The following ANK3 variants were observed in gnomAD, a reference collection of about 807,000 sequenced individuals.
ANK3 encodes the protein ankyrin 3.
ANK3 carries 57 observed loss-of-function variants against 370.9 expected under a neutral mutation model. The observed-to-expected ratio is 0.15, with a 90% CI of 0.12 to 0.19. ANK3 has a LOEUF of 0.19. ANK3 is among the 10% of genes least tolerant of loss of function. ANK3 has a pLI of 1.00. For synonymous variants in ANK3, 1,929 were observed against 1,946.3 expected, an observed-to-expected ratio of 0.99 and a Z score of 0.23; for missense variants, 4,439 against 5,302.1, an observed-to-expected ratio of 0.84 and a Z score of 5.06.
chr10:60,674,787 ATCT>A (rs1179575716), intron 1 of ANK3, among the ~76,000 whole-genome samples: 1 of 152,208 alleles, frequency 6.6e-6, no homozygotes, highest in Non-Finnish European at 1.5e-5. Context: ...AACAATTATA[ATCT>A]TTAATAAATG....
At chr10:60,495,871 A>C (rs1344402032) in intron 2 of ANK3, among the ~76,000 whole-genome samples, 1 of 152,152 alleles carries the variant, frequency 6.6e-6, no homozygotes, top group African/African-American at 2.4e-5. Flanking sequence ...GTCTTCAATA[A>C]TTAACTTGTC....
chr10:60,188,545 T>G (rs1344928705), intron 16 of ANK3, among the ~76,000 whole-genome samples: 1 of 152,108 alleles, frequency 6.6e-6, no homozygotes, highest in Admixed American at 6.5e-5. Context: ...TGTGGAAGGA[T>G]CACAAACAAC....
intron 16 of ANK3, among the ~76,000 whole-genome samples, chr10:60,189,993 A>G (rs1190778649): frequency 6.6e-6 from 1 of 152,236 alleles, no homozygotes; most frequent in Non-Finnish European, 1.5e-5. Flanking sequence ...TACAATTAGT[A>G]TCCAGGTTAT....
At chr10:60,444,821 A>T (rs2133020398) in intron 2 of ANK3, among the ~76,000 whole-genome samples, 1 of 152,280 alleles carries the variant, frequency 6.6e-6, no homozygotes, top group South Asian at 2.1e-4. Context: ...GAAGTGTCTG[A>T]AGGGCCTTCT....
At chr10:60,698,324 C>T (rs1302586461) in intron 1 of ANK3, among the ~76,000 whole-genome samples, 1 of 151,106 alleles carries the variant, frequency 6.6e-6, no homozygotes, top group East Asian at 2.0e-4. Flanking sequence ...CTAGTTCAAC[C>T]ATTGTGGAAG....
At chr10:60,507,350 C>A (rs10430492) in intron 2 of ANK3, among the ~76,000 whole-genome samples, 32,440 of 151,714 alleles carry the variant, frequency 0.21, 3,862 homozygotes, top group East Asian at 0.47. Flanking sequence ...AGAAAAAAAT[C>A]AAAATGAAAT....
At chr10:60,492,418 CACCGTGGGGCTGGGCACAGTGGCT>C (rs1203128453) in intron 2 of ANK3, among the ~76,000 whole-genome samples, 17 of 152,004 alleles carry the variant, frequency 1.1e-4, no homozygotes. Context: ...TCAGAAATGG[CACCGTGGGGCTGGGCACAGTGGCT>C]CACACCTGTA....
chr10:60,041,716 C>G (rs1189680738), intron 43 of ANK3, among the ~76,000 whole-genome samples: 1 of 152,174 alleles, frequency 6.6e-6, no homozygotes. Flanking sequence ...AAATGTTATA[C>G]TGAATAAACA....
chr10:60,211,768 C>T (rs1431287783), intron 9 of ANK3, among the ~76,000 whole-genome samples: 1 of 151,666 alleles, frequency 6.6e-6, no homozygotes, highest in Non-Finnish European at 1.5e-5. Context: ...CATTAAAGAG[C>T]CCCTCTTAAC....
chr10:60,422,175 C>T (rs1444535253), intron 2 of ANK3, among the ~76,000 whole-genome samples: 1 of 152,030 alleles, frequency 6.6e-6, no homozygotes, highest in Admixed American at 6.6e-5. Flanking sequence ...CCACCAAAGT[C>T]TTTCCCCAAA....
At chr10:60,123,670 C>A (rs2093616351) in intron 25 of ANK3, among the ~76,000 whole-genome samples, 1 of 152,184 alleles carries the variant, frequency 6.6e-6, no homozygotes, top group South Asian at 2.1e-4. Context: ...GGTGGTCTTG[C>A]AAATTAACTG....
At chr10:60,597,676 T>A (rs1029759200) in intron 2 of ANK3, among the ~76,000 whole-genome samples, 2 of 152,002 alleles carry the variant, frequency 1.3e-5, no homozygotes, top group Non-Finnish European at 2.9e-5. Flanking sequence ...TTCTCAAGAG[T>A]TTCAATAGAG....
At chr10:60,532,907 G>C (rs1013366234) in intron 2 of ANK3, among the ~76,000 whole-genome samples, 1 of 152,094 alleles carries the variant, frequency 6.6e-6, no homozygotes, top group East Asian at 1.9e-4. Flanking sequence ...ATTCTAAGAG[G>C]AGTGGCTGAA....
Position 60,578,015 on chromosome 10 carries a change from G to A in ANK3, c.96+37171C>T, listed in dbSNP as rs531705583. On this transcript the variant is annotated intron_variant, in intron 2 of 43. Transcript: ENST00000373827. ...TAATGATCATTTGTAAATTAAGATAGAAATTTTTAAACCTAGCTTAACTGT... is the reference window on the plus strand; with the variant it reads ...TAATGATCATTTGTAAATTAAGATAAAAATTTTTAAACCTAGCTTAACTGT... 5.3e-5 allele frequency among the ~76,000 whole-genome samples: 8 copies of A among 152,248 alleles called. No homozygotes were observed. In the South Asian group the frequency reaches 1.7e-3, roughly 32 times the overall value.
intron 23 of ANK3, among the ~76,000 whole-genome samples, chr10:60,153,476 G>A (rs2095226839): frequency 1.3e-5 from 2 of 152,296 alleles, no homozygotes; most frequent in East Asian, 1.9e-4. Context: ...TGGGAAGACA[G>A]ATTGCATAAA....
At position 60,186,969 on chromosome 10, in the gene ANK3, T is replaced by C. The variant is rs959150377; in HGVS notation, c.1888-57A>G. 13 of 1,493,684 alleles carry C rather than the reference T, an allele frequency of 8.7e-6. No individual in the cohort carries two copies. The African/African-American group carries it at 1.5e-4, about 17-fold the overall frequency. The allele number at this position is 1,493,684 out of a possible 1,614,324, so 92.5% of individuals were successfully genotyped here. On this transcript the variant is annotated intron_variant, in intron 16 of 43. Coordinates refer to ENST00000280772, the MANE Select transcript of ANK3 (RefSeq NM_020987.5). ...AGGAACAAGATAAAAATGTGCACAG[T>C]GCATTTTCAAATAGTTTATGTCTCT...
intron 2 of ANK3, among the ~76,000 whole-genome samples, chr10:60,590,304 T>C (rs556918638): frequency 1.5e-4 from 23 of 152,322 alleles, no homozygotes; most frequent in Non-Finnish European, 3.1e-4. Context: ...TGGAAAAACA[T>C]GTAAAATATC....
intron 24 of ANK3, among the ~76,000 whole-genome samples, chr10:60,138,165 T>C (rs1228607340): frequency 6.6e-6 from 1 of 152,184 alleles, no homozygotes; most frequent in African/African-American, 2.4e-5. Context: ...CCATTTACTA[T>C]TAGACAATGA....
At chr10:60,501,045 T>G (rs2075783164) in intron 2 of ANK3, among the ~76,000 whole-genome samples, 1 of 152,026 alleles carries the variant, frequency 6.6e-6, no homozygotes, top group Non-Finnish European at 1.5e-5. Context: ...ATTGAAACAT[T>G]AAAAGGTAGG....
Sources: gnomAD v4.1 joint callset for allele counts (sites outside exome capture counted in the v4.1 genomes callset) on GRCh38, gnomAD v4.1.1 for gene constraint, MANE v1.5 for transcripts, NCBI Gene and HGNC (gene_info 2026-07-23, HGNC 2026-07-21) for gene names.